The following DMXL1 variants were observed in gnomAD, a reference collection of about 807,000 sequenced individuals.
The protein encoded by DMXL1 is Dmx like 1.
DMXL1 carries 99 observed loss-of-function variants against 319.2 expected under a neutral mutation model. The ratio of observed to expected loss-of-function variants is 0.31; its 90% confidence interval spans 0.26 to 0.37. DMXL1 has a LOEUF of 0.37. Ranked by LOEUF, DMXL1 falls within the 10% of genes least tolerant of loss-of-function variation. The pLI is 1.00. For synonymous variants in DMXL1, 1,385 were observed against 1,235.2 expected (o/e 1.12, Z -2.54); for missense variants, 3,745 against 3,595.6 (o/e 1.04, Z -1.06).
chr5:119,121,228 A>G, intron 9 of DMXL1, 89 bp downstream of exon 9: 2 of 1,140,762 alleles, frequency 1.8e-6, no homozygotes, highest in Non-Finnish European at 2.4e-6. Flanking sequence ...TCAAATAAGT[A>G]AAATATTGGA....
intron 37 of DMXL1, among the ~76,000 whole-genome samples, chr5:119,222,300 A>G (rs1784783109): frequency 1.3e-5 from 2 of 152,284 alleles, no homozygotes; most frequent in Non-Finnish European, 2.9e-5. Context: ...CTTGTTTTAA[A>G]GCCCTCTGTT....
chr5:119,180,030 A>G (rs1364065510), intron 28 of DMXL1, among the ~76,000 whole-genome samples: 4 of 152,200 alleles, frequency 2.6e-5, no homozygotes, highest in African/African-American at 9.6e-5. Flanking sequence ...TTGTAAACAG[A>G]TGAGTACAGC....
At chr5:119,099,341 G>C (rs187300975) in intron 2 of DMXL1, among the ~76,000 whole-genome samples, 1 of 152,172 alleles carries the variant, frequency 6.6e-6, no homozygotes, top group East Asian at 1.9e-4. Flanking sequence ...CTCCCAAATA[G>C]CTGGAATTAC....
At position 119,170,293 on chromosome 5, in the gene DMXL1, T is replaced by C. The variant is rs1774288373; in HGVS notation, c.5502T>C (p.Phe1834=). 2 of 1,613,938 alleles carry C rather than the reference T, an allele frequency of 1.2e-6. No individual in the cohort carries two copies. The highest frequency in any genetic ancestry group is 3.3e-5 in the Admixed American group (2 of 60,022). The change falls in exon 24 of 44, where the codon TTT becomes TTC. Residue 1834 remains phenylalanine, a synonymous_variant. Transcript: ENST00000539542. Reference sequence around the variant, plus strand: ...GTCATTTTGGATCATCTGATACATTTTCCACACATATGAGCCTAACAGGAA... The same window carrying C: ...GTCATTTTGGATCATCTGATACATTCTCCACACATATGAGCCTAACAGGAA... ...LRRHFGSSDT[F]STHMSLTGKS...
Position 119,177,405 on chromosome 5 carries a change from G to A in DMXL1, c.6807G>A (p.Leu2269=). The A allele has an allele frequency of 6.2e-7, 1 of 1,608,442 alleles. No homozygotes were observed. The highest frequency in any genetic ancestry group is 8.5e-7 in the Non-Finnish European group (1 of 1,176,628). ...QFTGMVYQTV[L]LPHRPSLKTG... ...CTGGAATGGTATATCAGACAGTACT[G>A]CTTCCTCATCGACCTTCTTTGAAAA... Residue 2269 remains leucine, a synonymous_variant, in exon 27 of 44, where the codon CTG becomes CTA. Transcript: ENST00000539542.
chr5:119,140,104 T>A (rs1766971493), intron 13 of DMXL1, among the ~76,000 whole-genome samples: 1 of 152,210 alleles, frequency 6.6e-6, no homozygotes, highest in African/African-American at 2.4e-5. Context: ...CCAGAATCTC[T>A]GGGACACAAC....
intron 1 of DMXL1, among the ~76,000 whole-genome samples, chr5:119,077,674 ATGTGTG>A (rs369098761): frequency 4.3e-4 from 51 of 118,892 alleles, no homozygotes; most frequent in African/African-American, 9.3e-4. Flanking sequence ...GTGTATATAT[ATGTGTG>A]TGTGTGTGTG....
intron 1 of DMXL1, among the ~76,000 whole-genome samples, chr5:119,088,527 C>A (rs571477967): frequency 4.6e-5 from 7 of 152,078 alleles, no homozygotes; most frequent in Non-Finnish European, 1.0e-4. Flanking sequence ...TTACTACTAG[C>A]GTTTTGTTGT....
intron 5 of DMXL1, among the ~76,000 whole-genome samples, chr5:119,110,677 C>G (rs182184682): frequency 2.0e-5 from 3 of 152,168 alleles, no homozygotes; most frequent in East Asian, 1.9e-4. Context: ...AAGCATAGTT[C>G]TAAACTCTAC....
intron 38 of DMXL1, among the ~76,000 whole-genome samples, chr5:119,226,829 C>T (rs1027083673): frequency 3.9e-5 from 6 of 152,276 alleles, no homozygotes; most frequent in African/African-American, 9.6e-5. Flanking sequence ...GCTTTACTTA[C>T]ATTTATCAGT....
At chr5:119,190,379 C>T (rs150108951) in intron 29 of DMXL1, among the ~76,000 whole-genome samples, 9 of 152,310 alleles carry the variant, frequency 5.9e-5, no homozygotes, top group East Asian at 1.9e-4. Flanking sequence ...TCCCTGCTAG[C>T]GCTTCATTCT....
intron 37 of DMXL1, among the ~76,000 whole-genome samples, chr5:119,223,020 G>A (rs916827808): frequency 6.1e-5 from 9 of 147,466 alleles, no homozygotes; most frequent in African/African-American, 1.5e-4. Context: ...TATCCCTTGC[G>A]CTTACCAGTT....
chr5:119,196,412 A>G lies in DMXL1; in HGVS notation c.7499A>G (p.Asn2500Ser), dbSNP rs759285871. The G allele has an allele frequency of 1.9e-6, 3 of 1,613,878 alleles. No homozygotes were observed. The highest frequency in any genetic ancestry group is 1.7e-5 in the Admixed American group (1 of 60,004). ...MRLAMVQLVLNNLKTFYPFAG... is the reference protein window; with the variant it reads ...MRLAMVQLVLSNLKTFYPFAG... ...TTGGCGATGGTGCAATTGGTGCTCA[A>G]CAATTTGAAGACTTTTTATCCCTTC... The change falls in exon 31 of 44, where the codon AAC (asparagine) becomes AGC (serine). Residue 2500 changes from asparagine to serine, a missense_variant. By Grantham distance (46) the Asn-to-Ser change is conservative (BLOSUM62 1). Coordinates refer to ENST00000539542, the MANE Select transcript of DMXL1 (RefSeq NM_001290321.3).
chr5:119,216,656 A>C (rs528644150), intron 34 of DMXL1, among the ~76,000 whole-genome samples: 1 of 152,352 alleles, frequency 6.6e-6, no homozygotes, highest in East Asian at 1.9e-4. Context: ...GAGGATAGCC[A>C]CTTAATGAAG....
chr5:119,101,893 A>G (rs1472545908), intron 2 of DMXL1, 42 bp from the exon 3 acceptor site: 1 of 1,324,090 alleles, frequency 7.6e-7, no homozygotes. Flanking sequence ...TTCATAAGTA[A>G]GTTAACATAT....
intron 26 of DMXL1, 36 bp downstream of exon 26, chr5:119,175,373 A>T: frequency 6.9e-7 from 1 of 1,447,456 alleles, no homozygotes. Context: ...GAATGCTTAC[A>T]GTAAGCAATG....
chr5:119,108,535 C>T (rs1580742446), intron 4 of DMXL1, among the ~76,000 whole-genome samples: 1 of 152,168 alleles, frequency 6.6e-6, no homozygotes, highest in East Asian at 1.9e-4. Context: ...GTGATCCTTT[C>T]ACCTCAGCCT....
Position 119,121,026 on chromosome 5 carries a change from A to G in DMXL1, c.989A>G (p.His330Arg), listed in dbSNP as rs746617202. The change falls in exon 9 of 44, where the codon CAT becomes CGT. Residue 330 changes from histidine (H) to arginine (R), a missense_variant. His to Arg is a conservative substitution (Grantham distance 29, BLOSUM62 0). Coordinates refer to ENST00000539542, the MANE Select transcript of DMXL1 (RefSeq NM_001290321.3). ...AGGAGATCACTTGCTCTTGTAGCACATACGGGATATCTACCACATCAGCAG... is the reference window on the plus strand; with the variant it reads ...AGGAGATCACTTGCTCTTGTAGCACGTACGGGATATCTACCACATCAGCAG... ...GRRRSLALVA[H>R]TGYLPHQQDP... 6.8e-6 allele frequency: 11 copies of G among 1,613,738 alleles called. No individual in the cohort carries two copies. The South Asian group carries it at 1.1e-4, about 16-fold the overall frequency.
intron 39 of DMXL1, chr5:119,236,306 T>C (rs1464789021): frequency 6.6e-6 from 1 of 152,082 alleles, no homozygotes; most frequent in Non-Finnish European, 1.5e-5. Context: ...TGGCATAGTC[T>C]ATTAATTTTA....
Sources: allele counts gnomAD v4.1 joint callset (sites outside exome capture counted in the v4.1 genomes callset), GRCh38; gene constraint gnomAD v4.1.1; transcripts MANE v1.5; gene names NCBI Gene and HGNC (gene_info 2026-07-23, HGNC 2026-07-21).